Variants in STRBP observed in about 807,000 individuals in gnomAD.
STRBP encodes the protein spermatid perinuclear RNA-binding protein.
In STRBP, 13 loss-of-function variants were observed where a neutral mutation model predicts 80.1. The observed-to-expected ratio is 0.16, with a 90% CI of 0.11 to 0.26. The LOEUF (loss-of-function observed/expected upper bound fraction) is 0.26. Ranked by LOEUF, STRBP falls within the 10% of genes least tolerant of loss-of-function variation. The pLI, the probability that STRBP is intolerant of heterozygous loss-of-function variation, is 1.00. For synonymous variants in STRBP, 284 were observed against 291.2 expected (o/e 0.98, Z 0.25); for missense variants, 485 against 815.2 (o/e 0.59, Z 4.93).
intron 1 of STRBP, among the ~76,000 whole-genome samples, chr9:123,263,524 C>CAAA (rs775297049): frequency 0.026 from 1,662 of 63,988 alleles, 85 homozygotes; most frequent in African/African-American, 0.081. Flanking sequence ...GACCCTGTCT[C>CAAA]AAAAAAAAAA....
In STRBP at chr9:123,110,618, C is replaced by T. The variant is rs1310056358; in HGVS notation, c.*85-865G>A. On this transcript the variant is annotated intron_variant and NMD_transcript_variant, in intron 3 of 3. Transcript: ENST00000471564. This position sits in a 1 kb window ranked among gnomAD's most constrained non-coding sequence, Gnocchi z 4.1. ...AAAGGACAACAGTAGGGAGTTCCCA[C>T]GTGGACCAGCTTTCATTTTGCCTCC... The T allele has an allele frequency of 4.7e-5, 8 of 169,606 alleles. No individual in the cohort carries two copies. The highest frequency in any genetic ancestry group is 5.1e-4 in the Middle Eastern group (1 of 1,946). The allele number at this position is 169,606 out of a possible 1,614,324, so 10.5% of individuals were successfully genotyped here.
chr9:123,181,291 C>G (rs922381407), intron 3 of STRBP, among the ~76,000 whole-genome samples: 3 of 152,130 alleles, frequency 2.0e-5, no homozygotes, highest in African/African-American at 7.2e-5. Flanking sequence ...AACAAAAGAG[C>G]CATAGAGTTG....
chr9:123,229,132 C>T (rs1265464563), intron 2 of STRBP, among the ~76,000 whole-genome samples: 1 of 152,134 alleles, frequency 6.6e-6, no homozygotes, highest in Non-Finnish European at 1.5e-5. Flanking sequence ...CCAGAATAGG[C>T]AAATCCACAC....
At chr9:123,241,237 C>T (rs2040688710) in intron 1 of STRBP, among the ~76,000 whole-genome samples, 1 of 151,392 alleles carries the variant, frequency 6.6e-6, no homozygotes, top group Admixed American at 6.6e-5. Flanking sequence ...CACAGTGGTG[C>T]ACACCTATAA....
intron 2 of STRBP, among the ~76,000 whole-genome samples, chr9:123,189,828 C>T (rs1402442586): frequency 6.6e-6 from 1 of 151,174 alleles, no homozygotes; most frequent in Admixed American, 6.6e-5. Context: ...GCACATGTAC[C>T]AGAGAACTTA....
chr9:123,178,274 CAT>C (rs1278314610), intron 4 of STRBP, among the ~76,000 whole-genome samples: 1 of 152,288 alleles, frequency 6.6e-6, no homozygotes, highest in Non-Finnish European at 1.5e-5. Context: ...TGTTTTTATT[CAT>C]AGAGTATAGT....
chr9:123,151,367 G>A (rs1009501894), intron 11 of STRBP, among the ~76,000 whole-genome samples: 5 of 151,096 alleles, frequency 3.3e-5, no homozygotes, highest in African/African-American at 1.2e-4. Flanking sequence ...GACCTAACAC[G>A]AAAAAAATAT....
chr9:123,207,723 A>C (rs1188199840), intron 2 of STRBP, among the ~76,000 whole-genome samples: 1 of 152,156 alleles, frequency 6.6e-6, no homozygotes, highest in Non-Finnish European at 1.5e-5. Context: ...CCCAGAACTT[A>C]AAGTATAATA....
At chr9:123,225,946 C>G (rs1554768265) in intron 2 of STRBP, among the ~76,000 whole-genome samples, 1 of 152,228 alleles carries the variant, frequency 6.6e-6, no homozygotes, top group Non-Finnish European at 1.5e-5. Flanking sequence ...AGCGCTCCCA[C>G]ACCCAAGGTA....
downstream of STRBP, among the ~76,000 whole-genome samples, chr9:123,120,355 G>C (rs575772934): frequency 6.6e-6 from 1 of 151,850 alleles, no homozygotes; most frequent in Non-Finnish European, 1.5e-5. Flanking sequence ...CCTCTCTCAG[G>C]AGGCACTGGC....
chr9:123,223,644 A>G (rs1255207877), intron 2 of STRBP, among the ~76,000 whole-genome samples: 1 of 152,192 alleles, frequency 6.6e-6, no homozygotes, highest in Admixed American at 6.5e-5. Flanking sequence ...AAACATTATT[A>G]TTAAATGTGA....
chr9:123,185,856 A>G (rs544228726), intron 2 of STRBP, among the ~76,000 whole-genome samples: 1 of 152,116 alleles, frequency 6.6e-6, no homozygotes, highest in Non-Finnish European at 1.5e-5. Context: ...ACAAATTAAC[A>G]ATACAAAAAC....
At chr9:123,176,566 T>C (rs1249670265) in intron 4 of STRBP, among the ~76,000 whole-genome samples, 1 of 152,156 alleles carries the variant, frequency 6.6e-6, no homozygotes, top group African/African-American at 2.4e-5. Flanking sequence ...AAGATAATAA[T>C]ATTAGAGACT....
At chr9:123,182,911 G>C (rs1334773518) in intron 3 of STRBP, among the ~76,000 whole-genome samples, 1 of 151,624 alleles carries the variant, frequency 6.6e-6, no homozygotes, top group Non-Finnish European at 1.5e-5. Context: ...TACTTGGGAG[G>C]CTTGAGGCAG....
At chr9:123,202,466 C>G (rs1335590631) in intron 2 of STRBP, among the ~76,000 whole-genome samples, 1 of 152,168 alleles carries the variant, frequency 6.6e-6, no homozygotes, top group Non-Finnish European at 1.5e-5. Flanking sequence ...ATTTACAAAA[C>G]TTAGTTTTGT....
In STRBP at chr9:123,124,358, C is replaced by T; in HGVS notation, c.*1239G>A. The T allele has an allele frequency of 2.0e-6, 2 of 985,376 alleles. No individual in the cohort carries two copies. The highest frequency in any genetic ancestry group is 2.4e-6 in the Non-Finnish European group (2 of 829,932). 61.0% of individuals were successfully genotyped at this position (985,376 alleles called of 1,614,324 possible). On this transcript the variant is annotated 3_prime_UTR_variant, in exon 19 of 19. Transcript: ENST00000348403. ...TGACCTAGTAACATCATTGGCTTTC[C>T]AAACAAGGTGAGAATGCAAGTGGAG...
intron 2 of STRBP, among the ~76,000 whole-genome samples, chr9:123,186,988 A>G (rs2132474117): frequency 6.6e-6 from 1 of 152,248 alleles, no homozygotes; most frequent in African/African-American, 2.4e-5. Context: ...TAATAAAATG[A>G]GAAATAATTC....
Position 123,126,235 on chromosome 9 carries a change from A to C in STRBP, c.1943-562T>G, listed in dbSNP as rs2035888635. On this transcript the variant is annotated intron_variant, in intron 18 of 18. Coordinates refer to ENST00000348403, the MANE Select transcript of STRBP (RefSeq NM_018387.5). This position sits in a 1 kb window ranked among gnomAD's most constrained non-coding sequence, Gnocchi z 4.4. Reference sequence around the variant, plus strand: ...TTCTGCATAGTCGAGCATGATTTGAAATCTGCTCCTCTTCCTATGCTAATA... The same window carrying C: ...TTCTGCATAGTCGAGCATGATTTGACATCTGCTCCTCTTCCTATGCTAATA... Among the ~76,000 whole-genome samples, 1 of 152,246 alleles carries C rather than the reference A, an allele frequency of 6.6e-6. No individual in the cohort carries two copies. Among genetic ancestry groups the C allele is most frequent in the South Asian group, 2.1e-4 (1 of 4,836 alleles).
chr9:123,264,277 T>C (rs1447565582), intron 1 of STRBP, among the ~76,000 whole-genome samples: 3 of 152,228 alleles, frequency 2.0e-5, no homozygotes, highest in Non-Finnish European at 2.9e-5. Flanking sequence ...TAGAACCCAA[T>C]GTCTCTCACA....
Sources: allele counts gnomAD v4.1 joint callset (sites outside exome capture counted in the v4.1 genomes callset), GRCh38; gene constraint gnomAD v4.1.1; non-coding constraint Gnocchi (gnomAD v3.1); transcripts MANE v1.5; gene names NCBI Gene and HGNC (gene_info 2026-07-23, HGNC 2026-07-21).